ADAMTSL1: variants seen among roughly 807,000 people sequenced by gnomAD.
ADAMTSL1 encodes ADAMTS like 1.
Under a neutral mutation model 201.8 loss-of-function variants are expected in ADAMTSL1, and 126 were observed. That is an observed-to-expected ratio of 0.62 (90% CI 0.54 to 0.72). ADAMTSL1 has a LOEUF of 0.72. ADAMTSL1 is among the 30% of genes least tolerant of loss of function. The pLI, the probability that ADAMTSL1 is intolerant of heterozygous loss-of-function variation, is 0.00. For synonymous variants in ADAMTSL1, 1,121 were observed against 903.4 expected (o/e 1.24, Z -4.32); for missense variants, 2,679 against 2,277.8 (o/e 1.18, Z -3.59).
intron 1 of ADAMTSL1, among the ~76,000 whole-genome samples, chr9:17,988,128 G>GT (rs1171039272): frequency 1.3e-5 from 2 of 152,066 alleles, no homozygotes; most frequent in African/African-American, 4.8e-5. Context: ...ACCATGTGTG[G>GT]TTGTAACTGG....
intron 7 of ADAMTSL1, among the ~76,000 whole-genome samples, chr9:18,646,875 CT>C (rs1827847942): frequency 6.6e-6 from 1 of 151,968 alleles, no homozygotes; most frequent in African/African-American, 2.4e-5. Context: ...CTCTGCCCGG[CT>C]TTGGTATCAG....
At chr9:18,027,842 G>C (rs1820767729) in intron 1 of ADAMTSL1, among the ~76,000 whole-genome samples, 1 of 151,896 alleles carries the variant, frequency 6.6e-6, no homozygotes, top group Non-Finnish European at 1.5e-5. Context: ...TTATTGTGTG[G>C]CTACTTATTT....
Position 18,006,238 on chromosome 9 carries a change from A to G in ADAMTSL1, c.87+99316A>G, listed in dbSNP as rs1819819886. Reference sequence around the variant, plus strand: ...GTATAATATTTTACACTAGAGGTTAATAACTTCAACAGCATAGAAACATAG... The same window carrying G: ...GTATAATATTTTACACTAGAGGTTAGTAACTTCAACAGCATAGAAACATAG... On this transcript the variant is annotated intron_variant, in intron 1 of 29. Coordinates refer to the ADAMTSL1 transcript ENST00000680146. 2.6e-5 allele frequency among the ~76,000 whole-genome samples: 4 copies of G among 152,056 alleles called. No homozygotes were observed. In the South Asian group the frequency reaches 6.2e-4, roughly 24 times the overall value.
chr9:18,507,963 T>A (rs113433803), intron 2 of ADAMTSL1, among the ~76,000 whole-genome samples: 5,593 of 152,144 alleles, frequency 0.037, 343 homozygotes, highest in African/African-American at 0.13. Context: ...GGCGGGTGGA[T>A]CACCTGAGGT....
At chr9:18,226,393 C>T (rs1281698347) in intron 2 of ADAMTSL1, among the ~76,000 whole-genome samples, 1 of 152,152 alleles carries the variant, frequency 6.6e-6, no homozygotes, top group Non-Finnish European at 1.5e-5. Flanking sequence ...TTCCTCACCC[C>T]TATTGAGTCT....
intron 4 of ADAMTSL1, among the ~76,000 whole-genome samples, chr9:18,594,098 A>C (rs151279444): frequency 1.3e-5 from 2 of 151,962 alleles, no homozygotes; most frequent in Non-Finnish European, 2.9e-5. Context: ...AAAAGTCTTT[A>C]GTTCTCTTTC....
chr9:18,316,542 T>C (rs1160819601), intron 2 of ADAMTSL1, among the ~76,000 whole-genome samples: 2 of 152,094 alleles, frequency 1.3e-5, no homozygotes, highest in African/African-American at 2.4e-5. Flanking sequence ...AGAAGAGAAA[T>C]ATGGCTCTGT....
At chr9:18,748,501 A>G (rs1218660720) in intron 15 of ADAMTSL1, among the ~76,000 whole-genome samples, 1 of 152,234 alleles carries the variant, frequency 6.6e-6, no homozygotes, top group African/African-American at 2.4e-5. Flanking sequence ...AGTGGGATGC[A>G]GCCTGTCAAA....
chr9:18,548,643 G>T lies in ADAMTSL1; in HGVS notation c.237+15351G>T, dbSNP rs73644240. Among the ~76,000 whole-genome samples the T allele has an allele frequency of 8.3e-3, 1,265 of 152,130 alleles. 21 individuals carry two copies. The highest frequency in any genetic ancestry group is 0.029 in the African/African-American group (1,219 of 41,518). On this transcript the variant is annotated intron_variant, in intron 3 of 28. Transcript: ENST00000380548. ...ACTGTATTTCTCCCTAAGTGCAATG[G>T]TTCATTATTTGCTAATTCAGCATTT...
intron 2 of ADAMTSL1, among the ~76,000 whole-genome samples, chr9:18,382,945 A>G (rs1297704032): frequency 6.6e-5 from 10 of 152,210 alleles, no homozygotes; most frequent in African/African-American, 9.6e-5. Context: ...CTGCAGTAAG[A>G]TCGCACTGAA....
intron 2 of ADAMTSL1, among the ~76,000 whole-genome samples, chr9:18,509,621 C>T (rs1216305884): frequency 6.6e-6 from 1 of 152,192 alleles, no homozygotes; most frequent in African/African-American, 2.4e-5. Flanking sequence ...TATCCTCCAG[C>T]AGGCTAGCCT....
intron 2 of ADAMTSL1, among the ~76,000 whole-genome samples, chr9:18,276,209 A>G (rs1832582778): frequency 6.6e-6 from 1 of 151,942 alleles, no homozygotes; most frequent in Non-Finnish European, 1.5e-5. Context: ...TCTTTTTATT[A>G]TTAAGTTGAA....
At chr9:18,411,573 A>G (rs771586142) in intron 2 of ADAMTSL1, among the ~76,000 whole-genome samples, 2 of 152,230 alleles carry the variant, frequency 1.3e-5, no homozygotes, top group Non-Finnish European at 1.5e-5. Flanking sequence ...ATATATGTAT[A>G]TAATTTCTAG....
At chr9:17,988,660 A>G (rs1378424044) in intron 1 of ADAMTSL1, among the ~76,000 whole-genome samples, 1 of 151,730 alleles carries the variant, frequency 6.6e-6, no homozygotes, top group Non-Finnish European at 1.5e-5. Context: ...AGCCAATTTG[A>G]TAGTAAGGTC....
chr9:18,528,704 C>T (rs905763736), intron 2 of ADAMTSL1, among the ~76,000 whole-genome samples: 1 of 152,032 alleles, frequency 6.6e-6, no homozygotes, highest in African/African-American at 2.4e-5. Context: ...AAAATATATT[C>T]TAATACTTAT....
At chr9:18,061,642 G>A (rs1822460023) in intron 1 of ADAMTSL1, among the ~76,000 whole-genome samples, 1 of 152,154 alleles carries the variant, frequency 6.6e-6, no homozygotes, top group African/African-American at 2.4e-5. Flanking sequence ...CAGAGAAGCT[G>A]GGATTTTGCT....
At chr9:18,376,967 C>G (rs1837323599) in intron 2 of ADAMTSL1, among the ~76,000 whole-genome samples, 1 of 152,082 alleles carries the variant, frequency 6.6e-6, no homozygotes, top group African/African-American at 2.4e-5. Flanking sequence ...TGTTGCTTAT[C>G]AAACATTATC....
chr9:18,684,932 A>C, intron 13 of ADAMTSL1, 132 bp downstream of exon 13: 1 of 1,399,886 alleles, frequency 7.1e-7, no homozygotes, highest in Non-Finnish European at 9.3e-7. Flanking sequence ...TTGGCTCTCA[A>C]ATTAAAGATT....
Position 18,639,343 on chromosome 9 carries a change from T to A in ADAMTSL1, c.766T>A (p.Phe256Ile), listed in dbSNP as rs748959276. 1 of 1,612,922 alleles carries A rather than the reference T, an allele frequency of 6.2e-7. No individual in the cohort carries two copies. The highest frequency in any genetic ancestry group is 8.5e-7 in the Non-Finnish European group (1 of 1,179,314). Residue 256 changes from phenylalanine (F) to isoleucine (I), a missense_variant, in exon 7 of 29, where the codon TTC becomes ATC. Coordinates refer to ENST00000380548, the MANE Select transcript of ADAMTSL1 (RefSeq NM_001040272.6). ...CCTTGTGGACAATTCTAGTGTGGAC[T>A]TCCAGAAATTTCCAGACAAAGAGAT... is the stretch of plus-strand genomic sequence containing the variant. ...TFLVDNSSVDFQKFPDKEILR... is the reference protein window; with the variant it reads ...TFLVDNSSVDIQKFPDKEILR...
Sources: gnomAD v4.1 joint callset for allele counts (sites outside exome capture counted in the v4.1 genomes callset) on GRCh38, gnomAD v4.1.1 for gene constraint, MANE v1.5 for transcripts, NCBI Gene and HGNC (gene_info 2026-07-23, HGNC 2026-07-21) for gene names.